Variants in CLDN10 observed in about 807,000 individuals in gnomAD.
CLDN10 encodes the protein claudin-10.
CLDN10 carries 15 observed loss-of-function variants against 22.9 expected under a neutral mutation model. The ratio of observed to expected loss-of-function variants is 0.65; its 90% CI spans 0.44 to 1.01. The LOEUF (loss-of-function observed/expected upper bound fraction) is 1.01, where lower values mean the gene tolerates loss of function less well. Ranked by LOEUF, CLDN10 falls within the 50% of genes least tolerant of loss-of-function variation. CLDN10 has a pLI of 0.00. For missense variants in CLDN10, 247 were observed against 287.8 expected, an observed-to-expected ratio of 0.86 and a Z score of 1.03; for synonymous variants, 114 against 111.4, an observed-to-expected ratio of 1.02 and a Z score of -0.15.
chr13:95,482,265 A>G (rs1323499188), intron 1 of CLDN10, among the ~76,000 whole-genome samples: 1 of 152,214 alleles, frequency 6.6e-6, no homozygotes, highest in Non-Finnish European at 1.5e-5. Flanking sequence ...TAAAATGTAA[A>G]AAACATTTTT....
intron 1 of CLDN10, among the ~76,000 whole-genome samples, chr13:95,443,329 G>T (rs889194743): frequency 2.6e-5 from 4 of 152,212 alleles, no homozygotes; most frequent in African/African-American, 7.2e-5. Context: ...TGCTTCAAAA[G>T]CTGGTGGGGA....
At chr13:95,472,832 C>T (rs1033534208) in intron 1 of CLDN10, among the ~76,000 whole-genome samples, 29 of 151,906 alleles carry the variant, frequency 1.9e-4, no homozygotes, top group African/African-American at 6.8e-4. Context: ...ATGTCCCAAC[C>T]ATGGCTCCTA....
chr13:95,515,080 A>C lies in CLDN10; in HGVS notation c.215-45052A>C, dbSNP rs143071225. Among the ~76,000 whole-genome samples the C allele has an allele frequency of 1.2e-3, 188 of 152,330 alleles. 1 individual carries two copies. The highest frequency in any genetic ancestry group is 4.4e-3 in the African/African-American group (182 of 41,566). ...CTATTCACAGACTTGATCATAGCAC[A>C]CTATAGCCTTGAACTGCTGGGCTCA... On this transcript the variant is annotated intron_variant, in intron 1 of 4. Transcript: ENST00000376873.
chr13:95,461,383 C>T (rs2042535464), intron 1 of CLDN10, among the ~76,000 whole-genome samples: 1 of 152,222 alleles, frequency 6.6e-6, no homozygotes. Flanking sequence ...GAGGAAAGAA[C>T]AGATACTTCT....
chr13:95,438,297 G>A (rs992435759), intron 1 of CLDN10, among the ~76,000 whole-genome samples: 4 of 152,172 alleles, frequency 2.6e-5, no homozygotes, highest in Non-Finnish European at 4.4e-5. Context: ...TAAAGACAGG[G>A]TCTTGTGATG....
At chr13:95,562,439 T>C (rs2043727351) in intron 3 of CLDN10, among the ~76,000 whole-genome samples, 1 of 152,198 alleles carries the variant, frequency 6.6e-6, no homozygotes, top group South Asian at 2.1e-4. Context: ...AAACAAATTT[T>C]ATTAAATGGG....
At position 95,522,028 on chromosome 13, in the gene CLDN10, A is replaced by T. The variant is rs1252955984; in HGVS notation, c.215-38104A>T. The stretch of plus-strand genomic sequence containing the variant: ...TGATGCCTCCTTTTTCTTTCATGAT[A>T]CCATTTGTTTGTGCTGCTTCTTTTC... On this transcript the variant is annotated intron_variant, in intron 1 of 4. Transcript: ENST00000376873. Among the ~76,000 whole-genome samples, 12 of 151,842 alleles carry T rather than the reference A, an allele frequency of 7.9e-5. No homozygotes were observed. In the East Asian group the frequency reaches 2.3e-3, roughly 29 times the overall value.
rs1043394189 is a variant in CLDN10 at position 95,567,601 on chromosome 13, A to C, written c.464+7138A>C. Reference sequence around the variant, plus strand: ...ATTTGACTTCCTCTTTTCCTAATTGAATACCCTTTATTTCTTTCTCTTGCC... The same window carrying C: ...ATTTGACTTCCTCTTTTCCTAATTGCATACCCTTTATTTCTTTCTCTTGCC... On this transcript the variant is annotated intron_variant, in intron 3 of 4. Coordinates refer to ENST00000299339, the MANE Select transcript of CLDN10 (RefSeq NM_006984.5). Among the ~76,000 whole-genome samples, 11 of 152,192 alleles carry C rather than the reference A, an allele frequency of 7.2e-5. No individual in the cohort carries two copies. The East Asian group carries it at 2.1e-3, about 29-fold the overall frequency.
chr13:95,551,182 C>T (rs993071136), upstream of CLDN10, among the ~76,000 whole-genome samples: 5 of 152,132 alleles, frequency 3.3e-5, no homozygotes, highest in Non-Finnish European at 7.4e-5. Flanking sequence ...AAGAGTAGGA[C>T]TTACTTCGTG....
intron 1 of CLDN10, among the ~76,000 whole-genome samples, chr13:95,467,728 A>G (rs1207168701): frequency 6.6e-6 from 1 of 152,232 alleles, no homozygotes; most frequent in Non-Finnish European, 1.5e-5. Context: ...GGAGGCAAAC[A>G]GGTCCCAAGA....
chr13:95,578,417 T>C lies in CLDN10; in HGVS notation c.*403T>C, dbSNP rs1297975788. 6.5e-6 allele frequency: 1 copy of C among 152,834 alleles called. No individual in the cohort carries two copies. Among genetic ancestry groups the C allele is most frequent in the African/African-American group, 2.4e-5 (1 of 41,466 alleles). 9.5% of individuals were successfully genotyped at this position (152,834 alleles called of 1,614,324 possible). On this transcript the variant is annotated 3_prime_UTR_variant, in exon 5 of 5. Coordinates refer to ENST00000299339, the MANE Select transcript of CLDN10 (RefSeq NM_006984.5). ...AAGGAACAATGTCTTATAAACAGCA[T>C]GGGGGCAATCTGAGAATATTCCTCA...
chr13:95,484,384 T>C (rs2042780232), intron 1 of CLDN10, among the ~76,000 whole-genome samples: 1 of 152,232 alleles, frequency 6.6e-6, no homozygotes, highest in African/African-American at 2.4e-5. Flanking sequence ...ATTTGTTCCA[T>C]GTAGAATCTA....
intron 1 of CLDN10, chr13:95,496,911 C>T (rs1281411291): frequency 6.6e-6 from 1 of 152,188 alleles, no homozygotes. Context: ...CATAGGGACA[C>T]ACAAACTCCA....
exon 1 of CLDN10, chr13:95,433,940 C>T (rs765511486): frequency 3.1e-6 from 5 of 1,614,058 alleles, no homozygotes; most frequent in Non-Finnish European, 4.2e-6. Context: ...CGAGCCTCCT[C>T]GGTGATAACA....
intron 1 of CLDN10, among the ~76,000 whole-genome samples, chr13:95,520,513 A>G (rs2043213307): frequency 6.6e-6 from 1 of 152,120 alleles, no homozygotes; most frequent in Admixed American, 6.5e-5. Flanking sequence ...AGCTGGGATT[A>G]CAGGTGCCGG....
intron 1 of CLDN10, among the ~76,000 whole-genome samples, chr13:95,483,383 A>T (rs896752793): frequency 5.3e-5 from 8 of 151,994 alleles, no homozygotes; most frequent in Non-Finnish European, 1.0e-4. Context: ...TTTTATTAAA[A>T]TTTTTTGTAG....
At chr13:95,456,698 A>G (rs1031816195) in intron 1 of CLDN10, among the ~76,000 whole-genome samples, 16 of 152,222 alleles carry the variant, frequency 1.1e-4, no homozygotes, top group African/African-American at 3.1e-4. Context: ...TCAAGGCTGC[A>G]GTGAACTGTC....
At chr13:95,466,902 A>G in intron 1 of CLDN10, among the ~76,000 whole-genome samples, 1 of 135,204 alleles carries the variant, frequency 7.4e-6, no homozygotes, top group African/African-American at 2.9e-5. Flanking sequence ...TTTGAGACAG[A>G]GTCTCGCTCT....
intron 1 of CLDN10, among the ~76,000 whole-genome samples, chr13:95,512,067 G>T (rs2043107696): frequency 7.4e-6 from 1 of 134,320 alleles, no homozygotes; most frequent in Non-Finnish European, 1.7e-5. Flanking sequence ...GACCAACAAG[G>T]CTAAGACCAA....
Sources: gnomAD v4.1 joint callset for allele counts (sites outside exome capture counted in the v4.1 genomes callset) on GRCh38, gnomAD v4.1.1 for gene constraint, MANE v1.5 for transcripts, NCBI Gene and HGNC (gene_info 2026-07-23, HGNC 2026-07-21) for gene names.